HAS3: variants seen among roughly 807,000 people sequenced by gnomAD.
HAS3 encodes hyaluronan synthase 3.
HAS3 carries 27 observed loss-of-function variants against 50.3 expected under a neutral mutation model. The observed-to-expected ratio is 0.54, with a 90% confidence interval of 0.40 to 0.74. The LOEUF (loss-of-function observed/expected upper bound fraction) is 0.74. HAS3 is among the 30% of genes least tolerant of loss of function. HAS3 has a pLI of 0.00. For missense variants in HAS3, 517 were observed against 742.8 expected, an observed-to-expected ratio of 0.70 and a Z score of 3.53; for synonymous variants, 339 against 310.9, an observed-to-expected ratio of 1.09 and a Z score of -0.95.
At chr16:69,089,193 G>C in the HAS3 span, among the ~76,000 whole-genome samples, 1 of 152,160 alleles carries the variant, frequency 6.6e-6, no homozygotes, top group South Asian at 2.1e-4. Context: ...CCTGCCACCT[G>C]ACTGTGCCTC....
rs1199727279 is a variant in HAS3, at chr16:69,106,806, G to C, written c.-1+1019G>C. The C allele has an allele frequency of 6.6e-6, 1 of 152,122 alleles. No homozygotes were observed. Among genetic ancestry groups the C allele is most frequent in the Middle Eastern group, 3.2e-3 (1 of 316 alleles). The allele number at this position is 152,122 out of a possible 1,614,324, so 9.4% of individuals were successfully genotyped here. ...TCCCCTCCCCTGGCCGGCCTGGAGGGGCCCGGAGGGCGGCCGGGCACAAGA... is the reference window on the plus strand; with the variant it reads ...TCCCCTCCCCTGGCCGGCCTGGAGGCGCCCGGAGGGCGGCCGGGCACAAGA... On this transcript the variant is annotated intron_variant, in intron 1 of 3. Transcript: ENST00000569188. This position sits in a 1 kb window ranked among gnomAD's most constrained non-coding sequence, Gnocchi z 5.5.
At chr16:69,113,591 C>G in intron 3 of HAS3, 49 bp downstream of exon 3, 1 of 1,115,470 alleles carries the variant, frequency 9.0e-7, no homozygotes, top group Non-Finnish European at 1.3e-6. Context: ...GACTCTTTTT[C>G]CTAATCCAAT....
the HAS3 span, among the ~76,000 whole-genome samples, chr16:69,094,714 GT>G: frequency 6.6e-6 from 1 of 152,198 alleles, no homozygotes; most frequent in Non-Finnish European, 1.5e-5. Context: ...AATCCAAGTT[GT>G]TTTGACAGTT....
chr16:69,106,445 G>A lies in HAS3; in HGVS notation c.-1+658G>A, dbSNP rs947586689. 6.7e-5 allele frequency: 10 copies of A among 150,308 alleles called. No individual in the cohort carries two copies. The highest frequency in any genetic ancestry group is 2.2e-4 in the African/African-American group (9 of 41,174). 9.3% of individuals were successfully genotyped at this position (150,308 alleles called of 1,614,324 possible). On this transcript the variant is annotated intron_variant, in intron 1 of 3. Transcript: ENST00000569188. This position sits in a 1 kb window ranked among gnomAD's most constrained non-coding sequence, Gnocchi z 5.5. The stretch of plus-strand genomic sequence containing the variant: ...ACCCGGCCAGCTCCCAGCCCTGCGG[G>A]CGCCGCGTCCGGCGCGGGGAGGCGG...
At chr16:69,084,099 G>C in the HAS3 span, 1 of 154,040 alleles carries the variant, frequency 6.5e-6, no homozygotes, top group Non-Finnish European at 1.4e-5. Context: ...AGCAGAACTG[G>C]CCACCCTTGG....
At chr16:69,085,592 CT>C in the HAS3 span, among the ~76,000 whole-genome samples, 23,060 of 143,284 alleles carry the variant, frequency 0.16, 1,789 homozygotes, top group African/African-American at 0.22. Context: ...TTCTTTCTTT[CT>C]TTTTTTTTTT....
At chr16:69,096,082 G>A in the HAS3 span, among the ~76,000 whole-genome samples, 1 of 151,670 alleles carries the variant, frequency 6.6e-6, no homozygotes, top group Non-Finnish European at 1.5e-5. Context: ...CGGGCACACT[G>A]GTGCGTGCCT....
the HAS3 span, among the ~76,000 whole-genome samples, chr16:69,100,610 C>G: frequency 3.3e-5 from 5 of 152,186 alleles, no homozygotes; most frequent in Admixed American, 1.3e-4. Flanking sequence ...CTCCCCTGCT[C>G]AAGCCACTCA....
the HAS3 span, chr16:69,083,666 G>C: frequency 6.4e-7 from 1 of 1,554,432 alleles, no homozygotes; most frequent in South Asian, 1.2e-5. Context: ...CCGTAGACCT[G>C]GCTCCAAGGA....
Position 69,115,919 on chromosome 16 carries a change from A to C in HAS3, c.*653A>C. ...AGCACTGAACTGCTTTTAAAAGTGC[A>C]CATTAAAAAGGAAAGTTTGCCAGGA... On this transcript the variant is annotated 3_prime_UTR_variant, in exon 4 of 4. Coordinates refer to ENST00000569188, the MANE Select transcript of HAS3 (RefSeq NM_001199280.2). 3.0e-6 allele frequency: 3 copies of C among 985,848 alleles called. No homozygotes were observed. Among genetic ancestry groups the C allele is most frequent in the Non-Finnish European group, 3.6e-6 (3 of 829,952 alleles). The allele number at this position is 985,848 out of a possible 1,614,324, so 61.1% of individuals were successfully genotyped here. A position where few individuals can be genotyped will look rare whatever the true frequency, so the allele number is the denominator to read the frequency against.
Position 69,114,856 on chromosome 16 carries a change from C to A in HAS3, c.1252C>A (p.Leu418Met), listed in dbSNP as rs1461337293. Residue 418 changes from leucine (L) to methionine (M), a missense_variant, in exon 4 of 4, where the codon CTG becomes ATG. Coordinates refer to ENST00000569188, the MANE Select transcript of HAS3 (RefSeq NM_001199280.2). The surrounding 1 kb of genome is among the most constrained non-coding windows in gnomAD (Gnocchi z 6.4). ...TCTCCTCTTCCTGCTGACGGTGCAG[C>A]TGGTGGGCATTATCAAGGCCACCTA... ...NILLFLLTVQ[L>M]VGIIKATYAC... 9 of 1,613,996 alleles carry A rather than the reference C, an allele frequency of 5.6e-6. No homozygotes were observed. The highest frequency in any genetic ancestry group is 7.6e-6 in the Non-Finnish European group (9 of 1,180,032).
upstream of HAS3, among the ~76,000 whole-genome samples, chr16:69,104,992 G>GGTTTTTTTTTT (rs1567576954): frequency 1.2e-5 from 1 of 81,958 alleles, no homozygotes; most frequent in Non-Finnish European, 2.3e-5. Context: ...CTGTTTTTTG[G>GGTTTTTTTTTT]TTTTTTTTTT....
At position 69,107,663 on chromosome 16, in the gene HAS3, AG is replaced by A. The variant is rs1377150834; in HGVS notation, c.1-1731del. The A allele has an allele frequency of 1.0e-6, 1 of 985,428 alleles. No individual in the cohort carries two copies. Among genetic ancestry groups the A allele is most frequent in the African/African-American group, 1.7e-5 (1 of 57,222 alleles). The allele number at this position is 985,428 out of a possible 1,614,324, so 61.0% of individuals were successfully genotyped here. A position where few individuals can be genotyped will look rare whatever the true frequency, so the allele number is the denominator to read the frequency against. On this transcript the variant is annotated intron_variant, in intron 1 of 3. Transcript: ENST00000569188. The surrounding 1 kb of genome is among the most constrained non-coding windows in gnomAD (Gnocchi z 5.5). ...CCCTTCCCCTACCCAGAGCGCAGGC[AG>A]GCAGGGGGGTCCCGCCGCGCCCCTT... is the stretch of plus-strand genomic sequence containing the variant.
chr16:69,113,673 T>G, intron 3 of HAS3, 131 bp downstream of exon 3: 2 of 612,024 alleles, frequency 3.3e-6, no homozygotes, highest in Admixed American at 2.9e-5. Flanking sequence ...CAGTTTTCAC[T>G]GACACCAAAG....
the HAS3 span, among the ~76,000 whole-genome samples, chr16:69,088,122 C>T: frequency 6.6e-6 from 1 of 152,304 alleles, no homozygotes; most frequent in Non-Finnish European, 1.5e-5. Flanking sequence ...AAACCACAAG[C>T]AACGACAACG....
chr16:69,114,213 C>T lies in HAS3; in HGVS notation c.739-130C>T, dbSNP rs1405877431. The T allele has an allele frequency of 7.1e-7, 1 of 1,415,424 alleles. No homozygotes were observed. The highest frequency in any genetic ancestry group is 9.4e-7 in the Non-Finnish European group (1 of 1,061,720). The allele number at this position is 1,415,424 out of a possible 1,614,324, so 87.7% of individuals were successfully genotyped here. A position where few individuals can be genotyped will look rare whatever the true frequency, so the allele number is the denominator to read the frequency against. Reference sequence around the variant, plus strand: ...CCTCTGAGCCTCAGGTTTCCCAGCTCCAAAGGAACCGATGGCCAGGAATCT... The same window carrying T: ...CCTCTGAGCCTCAGGTTTCCCAGCTTCAAAGGAACCGATGGCCAGGAATCT... On this transcript the variant is annotated intron_variant, in intron 3 of 3. Transcript: ENST00000569188. This position sits in a 1 kb window ranked among gnomAD's most constrained non-coding sequence, Gnocchi z 6.4.
chr16:69,110,589 G>T, intron 2 of HAS3, among the ~76,000 whole-genome samples: 1 of 152,202 alleles, frequency 6.6e-6, no homozygotes, highest in Middle Eastern at 3.4e-3. Flanking sequence ...CCAGCTCCAT[G>T]TTAGCCCTTT....
chr16:69,116,754 G>GC lies in HAS3; in HGVS notation c.*1489dup. Reference sequence around the variant, plus strand: ...CATTTTCCAGTGACTTGCAATCCAGGCTGTTCTCAGCGTTTTGAGTTTAAA... The same window carrying GC: ...CATTTTCCAGTGACTTGCAATCCAGGCCTGTTCTCAGCGTTTTGAGTTTAAA... On this transcript the variant is annotated 3_prime_UTR_variant, in exon 4 of 4. Coordinates refer to ENST00000569188, the MANE Select transcript of HAS3 (RefSeq NM_001199280.2). 1.0e-6 allele frequency: 1 copy of GC among 985,380 alleles called. No individual in the cohort carries two copies. Among genetic ancestry groups the GC allele is most frequent in the Non-Finnish European group, 1.2e-6 (1 of 829,910 alleles). 61.0% of individuals were successfully genotyped at this position (985,380 alleles called of 1,614,324 possible). A position where few individuals can be genotyped will look rare whatever the true frequency, so the allele number is the denominator to read the frequency against.
At position 69,109,834 on chromosome 16, in the gene HAS3, G is replaced by A. The variant is rs746052927; in HGVS notation, c.439G>A (p.Gly147Ser). ...GGTGCTGGGCGGCACCGAGCAGGCC[G>A]GCTTCTTTGTGTGGCGCAGCAACTT... The part of the protein sequence containing the change: ...HEVLGGTEQA[G>S]FFVWRSNFHE... The change falls in exon 2 of 4, where the codon GGC (glycine) becomes AGC (serine). Residue 147 changes from glycine to serine, a missense_variant. Physicochemically the swap from Gly to Ser is moderately conservative, Grantham distance 56 (BLOSUM62 0). Transcript: ENST00000569188. The surrounding 1 kb of genome is among the most constrained non-coding windows in gnomAD (Gnocchi z 5.3). The A allele has an allele frequency of 4.6e-5, 75 of 1,612,956 alleles. 2 individuals are homozygous for A. The highest frequency in any genetic ancestry group is 4.0e-4 in the South Asian group (36 of 91,094).
Sources: allele counts gnomAD v4.1 joint callset (sites outside exome capture counted in the v4.1 genomes callset), GRCh38; gene constraint gnomAD v4.1.1; non-coding constraint Gnocchi (gnomAD v3.1); transcripts MANE v1.5; gene names NCBI Gene and HGNC (gene_info 2026-07-23, HGNC 2026-07-21).